Variants in CPNE4 observed in about 807,000 individuals in gnomAD.
CPNE4 encodes the protein copine 4, also known as copine-4.
Under a neutral mutation model 67.9 loss-of-function variants are expected in CPNE4, and 25 were observed. That is an observed-to-expected ratio of 0.37 (90% CI 0.27 to 0.51). CPNE4 has a LOEUF of 0.51. CPNE4 is among the 20% of genes least tolerant of loss of function. The pLI, the probability that CPNE4 is intolerant of heterozygous loss-of-function variation, is 0.93. For synonymous variants in CPNE4, 242 were observed against 244.9 expected, an observed-to-expected ratio of 0.99 and a Z score of 0.11; for missense variants, 464 against 690.8, an observed-to-expected ratio of 0.67 and a Z score of 3.68.
chr3:131,688,216 A>G (rs1173137045), intron 5 of CPNE4, among the ~76,000 whole-genome samples: 1 of 152,188 alleles, frequency 6.6e-6, no homozygotes, highest in Non-Finnish European at 1.5e-5. Flanking sequence ...CTTCCCATGC[A>G]ACCAGGAACC....
chr3:131,915,703 C>T (rs938098755), intron 1 of CPNE4, among the ~76,000 whole-genome samples: 1 of 152,202 alleles, frequency 6.6e-6, no homozygotes, highest in East Asian at 1.9e-4. Context: ...TCAATCATTT[C>T]CTGAACTTTA....
At chr3:131,588,054 A>C (rs1485316200) in intron 7 of CPNE4, among the ~76,000 whole-genome samples, 2 of 151,458 alleles carry the variant, frequency 1.3e-5, no homozygotes, top group Non-Finnish European at 2.9e-5. Context: ...TATTAATCAC[A>C]TTTTTCTTTT....
At chr3:131,906,827 C>A (rs547209130) in intron 1 of CPNE4, among the ~76,000 whole-genome samples, 1 of 151,836 alleles carries the variant, frequency 6.6e-6, no homozygotes, top group South Asian at 2.1e-4. Context: ...GGAATCGCCA[C>A]ACTGACTTCC....
chr3:131,736,100 C>T (rs2082227448), intron 2 of CPNE4, among the ~76,000 whole-genome samples: 1 of 152,200 alleles, frequency 6.6e-6, no homozygotes, highest in South Asian at 2.1e-4. Flanking sequence ...GGCCACACAG[C>T]TTTGTTCAGG....
upstream of CPNE4, chr3:132,038,001 TTC>T (rs1024912551): frequency 1.2e-4 from 5 of 42,776 alleles, no homozygotes; most frequent in South Asian, 2.5e-3. Flanking sequence ...TTTATTTTCT[TTC>T]TTTTTTTTTT....
At chr3:131,692,401 A>G (rs2081055241) in intron 5 of CPNE4, among the ~76,000 whole-genome samples, 6 of 152,326 alleles carry the variant, frequency 3.9e-5, no homozygotes, top group Admixed American at 3.3e-4. Context: ...ATTTTCTATC[A>G]TTAATGCAGA....
chr3:131,706,776 G>A (rs551326719), intron 3 of CPNE4, among the ~76,000 whole-genome samples: 3 of 152,214 alleles, frequency 2.0e-5, no homozygotes, highest in Admixed American at 6.5e-5. Context: ...CACCAACCCC[G>A]TATCTTAATC....
intron 14 of CPNE4, among the ~76,000 whole-genome samples, chr3:131,545,494 G>A (rs1935777915): frequency 1.3e-5 from 2 of 151,800 alleles, no homozygotes; most frequent in Admixed American, 1.3e-4. Flanking sequence ...ATTAATATTA[G>A]TTCTACTTGT....
intron 1 of CPNE4, among the ~76,000 whole-genome samples, chr3:131,926,772 T>C (rs1293570759): frequency 1.3e-5 from 2 of 152,204 alleles, no homozygotes; most frequent in Non-Finnish European, 1.5e-5. Context: ...TCCATTTCTC[T>C]TCTGTCTCCA....
intron 7 of CPNE4, chr3:131,620,343 A>T: frequency 3.0e-6 from 1 of 330,566 alleles, no homozygotes; most frequent in Non-Finnish European, 4.3e-6. Context: ...AAGTGATGTT[A>T]AGTGTTTAAA....
intron 2 of CPNE4, among the ~76,000 whole-genome samples, chr3:131,894,626 A>G (rs1197780325): frequency 6.6e-6 from 1 of 151,996 alleles, no homozygotes; most frequent in East Asian, 1.9e-4. Context: ...GTTCAATATT[A>G]CTAATTATCA....
At chr3:131,930,269 A>T (rs2071019544) in intron 1 of CPNE4, among the ~76,000 whole-genome samples, 1 of 152,078 alleles carries the variant, frequency 6.6e-6, no homozygotes, top group South Asian at 2.1e-4. Context: ...AGTAACCCAT[A>T]TGTACAAAGG....
chr3:131,566,166 G>A (rs1176173017), intron 10 of CPNE4, among the ~76,000 whole-genome samples: 1 of 151,856 alleles, frequency 6.6e-6, no homozygotes, highest in Non-Finnish European at 1.5e-5. Context: ...AATATAAAAT[G>A]CAGGAGATTT....
At chr3:131,596,901 T>C (rs1353737233) in intron 7 of CPNE4, among the ~76,000 whole-genome samples, 2 of 152,170 alleles carry the variant, frequency 1.3e-5, no homozygotes, top group African/African-American at 2.4e-5. Flanking sequence ...ACATCCTCAT[T>C]GTTCTGTTTC....
chr3:131,905,118 C>G, intron 2 of CPNE4, 146 bp downstream of exon 2: 1 of 766,118 alleles, frequency 1.3e-6, no homozygotes. Flanking sequence ...ACAGCAACAT[C>G]AAAACATCAT....
intron 2 of CPNE4, among the ~76,000 whole-genome samples, chr3:131,757,892 C>G (rs1396279011): frequency 6.6e-6 from 1 of 152,190 alleles, no homozygotes; most frequent in Non-Finnish European, 1.5e-5. Context: ...GTGGAAGCCC[C>G]AAGCCTTGGC....
At chr3:131,958,566 C>T (rs984450151) in intron 1 of CPNE4, among the ~76,000 whole-genome samples, 3 of 150,506 alleles carry the variant, frequency 2.0e-5, no homozygotes, top group African/African-American at 7.4e-5. Flanking sequence ...TACTACATCT[C>T]AGCTATGTGA....
chr3:131,975,335 A>C (rs2072618952), intron 1 of CPNE4, among the ~76,000 whole-genome samples: 1 of 152,226 alleles, frequency 6.6e-6, no homozygotes, highest in Admixed American at 6.5e-5. Context: ...ATGGTGTGAT[A>C]GAAAAACCCC....
At chr3:131,617,808 C>T (rs927164003) in intron 7 of CPNE4, among the ~76,000 whole-genome samples, 7 of 152,132 alleles carry the variant, frequency 4.6e-5, no homozygotes, top group Non-Finnish European at 8.8e-5. Context: ...CCATTTTCTC[C>T]ATGGAGTGAA....
Sources: gnomAD v4.1 joint callset for allele counts (sites outside exome capture counted in the v4.1 genomes callset) on GRCh38, gnomAD v4.1.1 for gene constraint, MANE v1.5 for transcripts, NCBI Gene and HGNC (gene_info 2026-07-23, HGNC 2026-07-21) for gene names.